The following PEX5L variants were observed in gnomAD, a reference collection of about 807,000 sequenced individuals.
PEX5L encodes the protein PEX5-related protein.
PEX5L carries 30 observed loss-of-function variants against 84.0 expected under a neutral mutation model. That is an observed-to-expected ratio of 0.36 (90% CI 0.27 to 0.48). PEX5L has a LOEUF of 0.48. PEX5L is among the 20% of genes least tolerant of loss of function. The pLI, the probability that PEX5L is intolerant of heterozygous loss-of-function variation, is 0.99. For synonymous variants in PEX5L, 270 were observed against 283.1 expected (o/e 0.95, Z 0.46); for missense variants, 533 against 754.6 (o/e 0.71, Z 3.44).
intron 1 of PEX5L, among the ~76,000 whole-genome samples, chr3:179,981,562 C>G (rs979976177): frequency 6.6e-6 from 1 of 152,132 alleles, no homozygotes; most frequent in African/African-American, 2.4e-5. Flanking sequence ...GTGATAAAAG[C>G]ATCTATATTT....
intron 1 of PEX5L, among the ~76,000 whole-genome samples, chr3:180,034,848 C>A (rs1791757947): frequency 6.6e-6 from 1 of 152,078 alleles, no homozygotes; most frequent in South Asian, 2.1e-4. Flanking sequence ...GGAGAATATG[C>A]AGAGTCTTAT....
At chr3:179,883,905 C>G (rs1024153512) in intron 4 of PEX5L, among the ~76,000 whole-genome samples, 1 of 152,128 alleles carries the variant, frequency 6.6e-6, no homozygotes, top group Non-Finnish European at 1.5e-5. Flanking sequence ...AGTCATGATG[C>G]AAATAAATAT....
At chr3:179,957,449 G>T (rs897056687) in intron 2 of PEX5L, among the ~76,000 whole-genome samples, 9 of 152,140 alleles carry the variant, frequency 5.9e-5, no homozygotes, top group African/African-American at 2.2e-4. Flanking sequence ...AAAGTCTAAA[G>T]GGGTGGCTAA....
chr3:179,927,329 G>C (rs936581671), intron 2 of PEX5L, among the ~76,000 whole-genome samples: 4 of 152,186 alleles, frequency 2.6e-5, no homozygotes, highest in African/African-American at 9.7e-5. Context: ...CTGAAAGATA[G>C]TTACGATTAA....
chr3:179,829,762 C>T (rs1184445262), intron 8 of PEX5L, among the ~76,000 whole-genome samples: 5 of 142,200 alleles, frequency 3.5e-5, no homozygotes, highest in Non-Finnish European at 7.6e-5. Flanking sequence ...ATAATTTAAA[C>T]TTGCTATATC....
At chr3:179,948,975 T>C (rs947714741) in intron 2 of PEX5L, among the ~76,000 whole-genome samples, 1 of 152,210 alleles carries the variant, frequency 6.6e-6, no homozygotes, top group Non-Finnish European at 1.5e-5. Flanking sequence ...TAATATGACA[T>C]TATACCAACA....
intron 1 of PEX5L, among the ~76,000 whole-genome samples, chr3:180,033,651 A>T (rs949020782): frequency 6.6e-6 from 1 of 152,242 alleles, no homozygotes; most frequent in Non-Finnish European, 1.5e-5. Context: ...AATGAGCAAC[A>T]GAGTTTTGTC....
chr3:179,852,237 G>A (rs1187461528), intron 8 of PEX5L, among the ~76,000 whole-genome samples: 4 of 152,118 alleles, frequency 2.6e-5, no homozygotes, highest in Non-Finnish European at 5.9e-5. Flanking sequence ...GAATCCATTC[G>A]CAAGATAGCT....
rs533254150 is a variant in PEX5L at position 179,918,829 on chromosome 3, C to T, written c.94-20583G>A. Among the ~76,000 whole-genome samples the T allele has an allele frequency of 2.0e-5, 3 of 152,262 alleles. No homozygotes were observed. The South Asian group carries it at 6.2e-4, about 32-fold the overall frequency. On this transcript the variant is annotated intron_variant, in intron 2 of 14. Coordinates refer to ENST00000467460, the MANE Select transcript of PEX5L (RefSeq NM_016559.3). ...CCATGAATTTTCAATGGTATAAGTGCTATGCTACAATTGGTGTGTATCTGT... is the reference window on the plus strand; with the variant it reads ...CCATGAATTTTCAATGGTATAAGTGTTATGCTACAATTGGTGTGTATCTGT...
intron 1 of PEX5L, among the ~76,000 whole-genome samples, chr3:179,985,730 T>A (rs1253151139): frequency 2.0e-5 from 3 of 152,108 alleles, no homozygotes. Flanking sequence ...CTCTGCCCAG[T>A]ACCTTCAGAA....
intron 2 of PEX5L, among the ~76,000 whole-genome samples, chr3:179,927,390 T>TTCC (rs1406274230): frequency 3.3e-5 from 5 of 152,226 alleles, no homozygotes; most frequent in Middle Eastern, 3.4e-3. Context: ...AGAGGCATGT[T>TTCC]CTAAGAAGGG....
chr3:179,929,612 G>C (rs1450019456), intron 2 of PEX5L, among the ~76,000 whole-genome samples: 1 of 151,928 alleles, frequency 6.6e-6, no homozygotes, highest in Admixed American at 6.6e-5. Context: ...CAAAGAACAG[G>C]CACATGTTTG....
intron 1 of PEX5L, among the ~76,000 whole-genome samples, chr3:180,011,905 A>T (rs2110471494): frequency 6.6e-6 from 1 of 152,362 alleles, no homozygotes; most frequent in African/African-American, 2.4e-5. Context: ...AACTTTGGAA[A>T]GAAGAACGAC....
At chr3:180,001,541 A>G (rs984938320) in intron 1 of PEX5L, among the ~76,000 whole-genome samples, 2 of 151,850 alleles carry the variant, frequency 1.3e-5, no homozygotes, top group Non-Finnish European at 2.9e-5. Context: ...CAAACCATAT[A>G]TTTGTAGCTA....
At chr3:179,971,551 TA>T in intron 2 of PEX5L, 42 bp downstream of exon 2, 1 of 1,565,674 alleles carries the variant, frequency 6.4e-7, no homozygotes, top group Non-Finnish European at 8.6e-7. Context: ...GTCATCAAAA[TA>T]TACAGTAGAA....
chr3:179,802,543 A>AG (rs1216589662), intron 14 of PEX5L, among the ~76,000 whole-genome samples: 2 of 149,922 alleles, frequency 1.3e-5, no homozygotes, highest in African/African-American at 4.9e-5. Flanking sequence ...AAAAAAAAAA[A>AG]AAAAAAAAAA....
chr3:179,885,014 C>A (rs943920759), intron 4 of PEX5L, among the ~76,000 whole-genome samples: 1 of 27,208 alleles, frequency 3.7e-5, no homozygotes, highest in African/African-American at 1.3e-4. Context: ...AGATTTCTTA[C>A]GAATTAAAAA....
chr3:180,036,929 T>A lies in PEX5L; in HGVS notation c.-330A>T. ...CACTCCTTCTTCGCCGAACTCTTTCTCGCTTCCTGCCAGGTTGCCTCATGT... is the reference window on the plus strand; with the variant it reads ...CACTCCTTCTTCGCCGAACTCTTTCACGCTTCCTGCCAGGTTGCCTCATGT... On this transcript the variant is annotated 5_prime_UTR_variant, in exon 1 of 15. Coordinates refer to ENST00000467460, the MANE Select transcript of PEX5L (RefSeq NM_016559.3). The A allele has an allele frequency of 2.7e-6, 1 of 367,750 alleles. No homozygotes were observed. Among genetic ancestry groups the A allele is most frequent in the South Asian group, 3.7e-5 (1 of 26,954 alleles). 22.8% of individuals were successfully genotyped at this position (367,750 alleles called of 1,614,324 possible).
intron 8 of PEX5L, among the ~76,000 whole-genome samples, chr3:179,840,681 A>T (rs1736911162): frequency 1.3e-5 from 2 of 152,046 alleles, no homozygotes; most frequent in African/African-American, 4.8e-5. Flanking sequence ...GGGATGATAG[A>T]GGTGGTTTGA....
Sources: allele counts gnomAD v4.1 joint callset (sites outside exome capture counted in the v4.1 genomes callset), GRCh38; gene constraint gnomAD v4.1.1; transcripts MANE v1.5; gene names NCBI Gene and HGNC (gene_info 2026-07-23, HGNC 2026-07-21).